TPST1: variants seen among roughly 807,000 people sequenced by gnomAD.
TPST1 encodes protein-tyrosine sulfotransferase 1.
Under a neutral mutation model 34.8 loss-of-function variants are expected in TPST1, and 20 were observed. The ratio of observed to expected loss-of-function variants is 0.57; its 90% CI spans 0.40 to 0.84. The LOEUF is 0.84. Among genes scored for constraint, TPST1 ranks in the 40% least tolerant of loss-of-function variants. The pLI is 0.00. For missense variants in TPST1, 353 were observed against 455.5 expected, an observed-to-expected ratio of 0.78 and a Z score of 2.05; for synonymous variants, 152 against 159.4, an observed-to-expected ratio of 0.95 and a Z score of 0.35.
chr7:66,321,921 T>G (rs1276415107), intron 3 of TPST1, among the ~76,000 whole-genome samples: 1 of 152,242 alleles, frequency 6.6e-6, no homozygotes, highest in Admixed American at 6.5e-5. Flanking sequence ...TTCTTTTGAA[T>G]CATTTGCTTT....
intron 2 of TPST1, among the ~76,000 whole-genome samples, chr7:66,266,694 C>T (rs897400223): frequency 5.3e-5 from 8 of 152,176 alleles, no homozygotes; most frequent in Admixed American, 1.3e-4. Flanking sequence ...AGATATTACT[C>T]AGCAATAAAA....
chr7:66,199,141 C>T, the TPST1 span, among the ~76,000 whole-genome samples: 6 of 152,134 alleles, frequency 3.9e-5, no homozygotes, highest in East Asian at 3.9e-4. Context: ...CCCTGGGTCC[C>T]GGCTCCTGGC....
chr7:66,286,102 C>A (rs1334726426), intron 2 of TPST1, among the ~76,000 whole-genome samples: 1 of 152,136 alleles, frequency 6.6e-6, no homozygotes, highest in Non-Finnish European at 1.5e-5. Context: ...TATCACTGTC[C>A]ATCTCTCTGA....
chr7:66,244,644 T>TC (rs1790110567), intron 2 of TPST1, among the ~76,000 whole-genome samples: 1 of 152,210 alleles, frequency 6.6e-6, no homozygotes, highest in Non-Finnish European at 1.5e-5. Flanking sequence ...TTTAGTTGTC[T>TC]CCATCAGGGA....
intron 1 of TPST1, among the ~76,000 whole-genome samples, chr7:66,231,036 T>G (rs1562805252): frequency 6.6e-6 from 1 of 151,262 alleles, no homozygotes; most frequent in Non-Finnish European, 1.5e-5. Flanking sequence ...TTTACAAACC[T>G]TGAGCTAGAT....
At chr7:66,296,490 T>C (rs1791201257) in intron 3 of TPST1, among the ~76,000 whole-genome samples, 1 of 152,042 alleles carries the variant, frequency 6.6e-6, no homozygotes, top group Non-Finnish European at 1.5e-5. Context: ...CTGATGATCA[T>C]GAGGTTTTTG....
At chr7:66,297,868 C>G (rs192965225) in intron 3 of TPST1, among the ~76,000 whole-genome samples, 1 of 152,334 alleles carries the variant, frequency 6.6e-6, no homozygotes, top group East Asian at 1.9e-4. Flanking sequence ...TATCTCCATA[C>G]ATAGCATGCT....
At chr7:66,258,991 G>A (rs1440869281) in intron 2 of TPST1, among the ~76,000 whole-genome samples, 1 of 152,140 alleles carries the variant, frequency 6.6e-6, no homozygotes, top group Non-Finnish European at 1.5e-5. Context: ...TTCTCTTAGT[G>A]TTTTGAAGAT....
At chr7:66,299,305 T>TG (rs1005276806) in intron 3 of TPST1, among the ~76,000 whole-genome samples, 14 of 151,528 alleles carry the variant, frequency 9.2e-5, no homozygotes, top group Non-Finnish European at 1.6e-4. Flanking sequence ...TTAGGTTTTT[T>TG]TTTTTTTTTT....
intron 2 of TPST1, among the ~76,000 whole-genome samples, chr7:66,250,736 A>G (rs990871475): frequency 6.6e-6 from 1 of 152,214 alleles, no homozygotes; most frequent in African/African-American, 2.4e-5. Context: ...AACAGCAGTA[A>G]CTAATTATAA....
chr7:66,248,512 T>TG (rs1286081290), intron 2 of TPST1, among the ~76,000 whole-genome samples: 2 of 150,100 alleles, frequency 1.3e-5, no homozygotes, highest in African/African-American at 2.5e-5. Context: ...TGTTTTTTTT[T>TG]TTTTTTTTTG....
At chr7:66,234,222 C>G (rs1352534048) in intron 1 of TPST1, among the ~76,000 whole-genome samples, 1 of 152,176 alleles carries the variant, frequency 6.6e-6, no homozygotes, top group Non-Finnish European at 1.5e-5. Context: ...TATCTACGTA[C>G]TTTTTCTTGG....
chr7:66,329,949 G>A (rs1791963549), intron 3 of TPST1, among the ~76,000 whole-genome samples: 1 of 152,152 alleles, frequency 6.6e-6, no homozygotes, highest in Admixed American at 6.5e-5. Flanking sequence ...ATACAAGAGG[G>A]CAGAAGAGGG....
At chr7:66,355,920 A>G (rs1792573923) in intron 4 of TPST1, among the ~76,000 whole-genome samples, 1 of 151,178 alleles carries the variant, frequency 6.6e-6, no homozygotes. Context: ...AAAAAAAAAA[A>G]AAAAAGGCTG....
intron 1 of TPST1, among the ~76,000 whole-genome samples, chr7:66,206,650 AT>A (rs1789136687): frequency 6.6e-6 from 1 of 152,162 alleles, no homozygotes; most frequent in Non-Finnish European, 1.5e-5. Context: ...ATTACTCCCC[AT>A]CCCCTCTCCA....
In TPST1 at chr7:66,352,556, G is replaced by A. The variant is rs757277170; in HGVS notation, c.1095+1G>A. On this transcript the variant is annotated splice_donor_variant, in intron 4 of 5. Coordinates refer to ENST00000304842, the MANE Select transcript of TPST1 (RefSeq NM_003596.4). LOFTEE classifies it high-confidence loss of function. ...TGACTTTCTTAAAGAAAAACCACAG[G>A]TACTGTGTCTGCTTTTTCCTCCTGA... 1.9e-6 allele frequency: 3 copies of A among 1,612,858 alleles called. No homozygotes were observed. Among genetic ancestry groups the A allele is most frequent in the South Asian group, 2.2e-5 (2 of 90,834 alleles).
At chr7:66,205,123 G>T (rs966864695), upstream of TPST1, 2 of 152,238 alleles carry the variant, frequency 1.3e-5, no homozygotes, top group South Asian at 2.1e-4. This position sits in a 1 kb window ranked among gnomAD's most constrained non-coding sequence, Gnocchi z 5.0. Context: ...AAGGGCTGTG[G>T]GGGCGCTGGC....
chr7:66,228,017 A>C (rs1434534653), intron 1 of TPST1, among the ~76,000 whole-genome samples: 4 of 152,218 alleles, frequency 2.6e-5, no homozygotes, highest in Admixed American at 2.6e-4. Context: ...CAGGCATTAA[A>C]ATGATCTACA....
chr7:66,348,773 G>A (rs1238740601), intron 3 of TPST1, among the ~76,000 whole-genome samples: 1 of 152,190 alleles, frequency 6.6e-6, no homozygotes, highest in Admixed American at 6.5e-5. Flanking sequence ...ATTTTCGTCG[G>A]TTTTACAGTT....
Sources: allele counts gnomAD v4.1 joint callset (sites outside exome capture counted in the v4.1 genomes callset), GRCh38; gene constraint gnomAD v4.1.1; non-coding constraint Gnocchi (gnomAD v3.1); transcripts MANE v1.5; gene names NCBI Gene and HGNC (gene_info 2026-07-23, HGNC 2026-07-21).